FBXO34: variants seen among roughly 807,000 people sequenced by gnomAD.
FBXO34 encodes the protein F-box protein 34.
Under a neutral mutation model 24.5 loss-of-function variants are expected in FBXO34, and 12 were observed. The observed-to-expected ratio is 0.49, with a 90% CI of 0.31 to 0.79. The LOEUF (loss-of-function observed/expected upper bound fraction) is 0.79. FBXO34 is among the 30% of genes least tolerant of loss of function. FBXO34 has a pLI of 0.04. For missense variants in FBXO34, 823 were observed against 857.7 expected (o/e 0.96, Z 0.51); for synonymous variants, 320 against 311.9 (o/e 1.03, Z -0.27).
At chr14:55,408,654 C>A in the FBXO34 span, among the ~76,000 whole-genome samples, 1 of 152,068 alleles carries the variant, frequency 6.6e-6, no homozygotes, top group African/African-American at 2.4e-5. Context: ...GCCTGTAGTC[C>A]CACCTACTCA....
chr14:55,344,945 A>G (rs1884111430), intron 1 of FBXO34, among the ~76,000 whole-genome samples: 1 of 151,156 alleles, frequency 6.6e-6, no homozygotes, highest in African/African-American at 2.4e-5. Context: ...GGCAGCAACG[A>G]TGTTTTACTC....
the FBXO34 span, among the ~76,000 whole-genome samples, chr14:55,439,498 C>G: frequency 9.2e-6 from 1 of 108,734 alleles, no homozygotes; most frequent in African/African-American, 3.5e-5. Context: ...TCCTTTAGAA[C>G]CAGGCGGGGG....
At chr14:55,392,955 G>C in the FBXO34 span, among the ~76,000 whole-genome samples, 1 of 152,098 alleles carries the variant, frequency 6.6e-6, no homozygotes, top group Non-Finnish European at 1.5e-5. Context: ...CTTTAGAAAT[G>C]AATATTGAAG....
Position 55,340,223 on chromosome 14 carries a change from A to T in FBXO34, c.-10-10158A>T, listed in dbSNP as rs150713237. On this transcript the variant is annotated intron_variant, in intron 1 of 1. Coordinates refer to ENST00000313833, the MANE Select transcript of FBXO34 (RefSeq NM_017943.4). Reference sequence around the variant, plus strand: ...AAACTCTTTTGCTTGGTGCACTAATACTTGTTATCCTGAATTTTTACCAAC... The same window carrying T: ...AAACTCTTTTGCTTGGTGCACTAATTCTTGTTATCCTGAATTTTTACCAAC... Among the ~76,000 whole-genome samples the T allele has an allele frequency of 1.6e-4, 25 of 151,888 alleles. No individual in the cohort carries two copies. The East Asian group carries it at 4.3e-3, about 26-fold the overall frequency.
chr14:55,273,401 A>G (rs746487702), intron 1 of FBXO34, among the ~76,000 whole-genome samples: 1 of 152,092 alleles, frequency 6.6e-6, no homozygotes, highest in East Asian at 1.9e-4. Flanking sequence ...CCTCACCACA[A>G]CCTTGGGAAT....
chr14:55,315,310 C>A (rs368419794), intron 1 of FBXO34, among the ~76,000 whole-genome samples: 1 of 152,196 alleles, frequency 6.6e-6, no homozygotes, highest in African/African-American at 2.4e-5. Flanking sequence ...GAAAGTCAGA[C>A]ACTTCAAGTA....
intron 1 of FBXO34, among the ~76,000 whole-genome samples, chr14:55,334,391 A>T (rs1284512965): frequency 6.6e-6 from 1 of 152,178 alleles, no homozygotes; most frequent in Non-Finnish European, 1.5e-5. Flanking sequence ...GTGCCCTGTG[A>T]TGGACACAGA....
At chr14:55,360,015 G>A (rs1884572479) in intron 3 of FBXO34, among the ~76,000 whole-genome samples, 1 of 152,074 alleles carries the variant, frequency 6.6e-6, no homozygotes, top group African/African-American at 2.4e-5. Flanking sequence ...AGGACGTCGA[G>A]GCTGCAGTGA....
chr14:55,334,335 C>G (rs1883699094), intron 1 of FBXO34, among the ~76,000 whole-genome samples: 1 of 152,150 alleles, frequency 6.6e-6, no homozygotes, highest in Non-Finnish European at 1.5e-5. Flanking sequence ...GGGTTTGATG[C>G]ACATTCACTC....
chr14:55,385,808 A>G, the FBXO34 span: 1 of 1,436,232 alleles, frequency 7.0e-7, no homozygotes, highest in Non-Finnish European at 9.5e-7. Flanking sequence ...TACTTTAAAA[A>G]GTATTTGGAA....
downstream of FBXO34, chr14:55,369,422 C>A (rs1381697210): frequency 4.3e-6 from 2 of 467,112 alleles, no homozygotes; most frequent in Non-Finnish European, 7.3e-6. Context: ...TCTTAATTAT[C>A]ATAAGCATGT....
Position 55,336,486 on chromosome 14 carries a change from T to TACATAATGA in FBXO34, c.-10-13890_-10-13882dup, listed in dbSNP as rs144133165. 5.1e-3 allele frequency among the ~76,000 whole-genome samples: 784 copies of TACATAATGA among 152,312 alleles called. 21 individuals carry two copies. The South Asian group carries it at 0.061, about 12-fold the overall frequency. On this transcript the variant is annotated intron_variant, in intron 1 of 1. Transcript: ENST00000313833. ...ACAGTTTGTGGGTCTACACTGTATG[T>TACATAATGA]ACATAATGAACATTTTAAGGCTCAT...
chr14:55,284,509 T>C (rs1161425283), intron 1 of FBXO34, among the ~76,000 whole-genome samples: 1 of 115,558 alleles, frequency 8.7e-6, no homozygotes, highest in Non-Finnish European at 1.8e-5. Context: ...TGAACCTCTG[T>C]CTCCAAAAAA....
chr14:55,411,889 G>A, the FBXO34 span: 8 of 1,417,720 alleles, frequency 5.6e-6, no homozygotes, highest in African/African-American at 1.4e-5. Flanking sequence ...TGGGCCAGGA[G>A]GAGGGGCCTG....
chr14:55,434,661 C>A, the FBXO34 span, among the ~76,000 whole-genome samples: 2 of 152,148 alleles, frequency 1.3e-5, no homozygotes, highest in Admixed American at 6.5e-5. Context: ...CTGTGAGGAT[C>A]TTAGCTCATC....
the FBXO34 span, chr14:55,429,031 T>A: frequency 6.3e-7 from 1 of 1,582,852 alleles, no homozygotes; most frequent in Non-Finnish European, 8.6e-7. Context: ...TCTCAACTAC[T>A]GGTGTTGTAT....
At chr14:55,286,808 AT>A (rs1003185359) in intron 1 of FBXO34, among the ~76,000 whole-genome samples, 62 of 140,942 alleles carry the variant, frequency 4.4e-4, no homozygotes, top group South Asian at 4.5e-4. Flanking sequence ...TGGATTTTGG[AT>A]TTTTTTTTTT....
chr14:55,394,565 C>T, the FBXO34 span, among the ~76,000 whole-genome samples: 2 of 152,108 alleles, frequency 1.3e-5, no homozygotes, highest in Non-Finnish European at 2.9e-5. Context: ...ATAGCATGTA[C>T]ACTACAGATT....
rs1404303198 is a variant in FBXO34 at position 55,352,684 on chromosome 14, G to A, written c.*158G>A. 1.7e-4 allele frequency: 111 copies of A among 659,098 alleles called. No individual in the cohort carries two copies. The highest frequency in any genetic ancestry group is 5.5e-5 in the African/African-American group (3 of 54,736). 40.8% of individuals were successfully genotyped at this position (659,098 alleles called of 1,614,324 possible). A position where few individuals can be genotyped will look rare whatever the true frequency, so the allele number is the denominator to read the frequency against. ...GGCATTTTCTAAACTCTAAATTTAC[G>A]AGCTGTACAAAAAAATTGGTCTTGT... is the stretch of plus-strand genomic sequence containing the variant. On this transcript the variant is annotated 3_prime_UTR_variant, in exon 2 of 2. Coordinates refer to ENST00000313833, the MANE Select transcript of FBXO34 (RefSeq NM_017943.4).
Sources: gnomAD v4.1 joint callset for allele counts (sites outside exome capture counted in the v4.1 genomes callset) on GRCh38, gnomAD v4.1.1 for gene constraint, MANE v1.5 for transcripts, NCBI Gene and HGNC (gene_info 2026-07-23, HGNC 2026-07-21) for gene names.